Variants in DIAPH3 observed in about 807,000 individuals in gnomAD.
DIAPH3 encodes the protein protein diaphanous homolog 3.
DIAPH3 carries 117 observed loss-of-function variants against 144.3 expected under a neutral mutation model. The observed-to-expected ratio is 0.81, with a 90% CI of 0.70 to 0.95. DIAPH3 has a LOEUF of 0.95. Among genes scored for constraint, DIAPH3 ranks in the 40% least tolerant of loss-of-function variants. DIAPH3 has a pLI of 0.00. For synonymous variants in DIAPH3, 519 were observed against 488.9 expected, an observed-to-expected ratio of 1.06 and a Z score of -0.81; for missense variants, 1,421 against 1,412.7, an observed-to-expected ratio of 1.01 and a Z score of -0.09.
intron 27 of DIAPH3, among the ~76,000 whole-genome samples, chr13:59,737,606 T>A (rs1003287293): frequency 6.6e-6 from 1 of 152,168 alleles, no homozygotes; most frequent in African/African-American, 2.4e-5. Flanking sequence ...CCAACATACG[T>A]GGACTTATAA....
chr13:60,135,692 C>T (rs971960488), intron 1 of DIAPH3, among the ~76,000 whole-genome samples: 1 of 152,142 alleles, frequency 6.6e-6, no homozygotes, highest in Admixed American at 6.5e-5. Context: ...TTTCTTTCTA[C>T]ACCAAAACAA....
chr13:59,759,728 G>A (rs548008619), intron 27 of DIAPH3, among the ~76,000 whole-genome samples: 1 of 152,204 alleles, frequency 6.6e-6, no homozygotes, highest in South Asian at 2.1e-4. Context: ...GGTGGATCAT[G>A]AGGTCAGGAG....
At chr13:59,763,737 G>C (rs924447669) in intron 27 of DIAPH3, among the ~76,000 whole-genome samples, 1 of 151,988 alleles carries the variant, frequency 6.6e-6, no homozygotes, top group Non-Finnish European at 1.5e-5. Flanking sequence ...TGTTTTGCTT[G>C]AAATTTTTCT....
chr13:59,819,389 C>T (rs1273555942), intron 24 of DIAPH3, among the ~76,000 whole-genome samples: 5 of 151,822 alleles, frequency 3.3e-5, no homozygotes, highest in African/African-American at 4.8e-5. Flanking sequence ...AATTTTCTCA[C>T]AGGACAGCCA....
At chr13:59,739,422 G>A (rs1435283625) in intron 27 of DIAPH3, among the ~76,000 whole-genome samples, 2 of 152,030 alleles carry the variant, frequency 1.3e-5, no homozygotes, top group Non-Finnish European at 2.9e-5. Context: ...TGTTAATTGG[G>A]AATACTAATA....
intron 9 of DIAPH3, among the ~76,000 whole-genome samples, chr13:59,997,839 T>C (rs1273675747): frequency 6.6e-6 from 1 of 152,116 alleles, no homozygotes; most frequent in Non-Finnish European, 1.5e-5. Flanking sequence ...TTTTTACAAT[T>C]AAATCGTGGC....
At chr13:59,822,451 T>TA (rs2139645389) in intron 24 of DIAPH3, among the ~76,000 whole-genome samples, 2 of 152,090 alleles carry the variant, frequency 1.3e-5, no homozygotes, top group Admixed American at 1.3e-4. Context: ...TTTATTTATT[T>TA]TTTTTTGTGA....
At chr13:59,683,628 G>T (rs2033060724) in intron 27 of DIAPH3, among the ~76,000 whole-genome samples, 2 of 152,142 alleles carry the variant, frequency 1.3e-5, no homozygotes, top group African/African-American at 4.8e-5. Flanking sequence ...TATAAAGGGT[G>T]CATTGGGCAG....
chr13:59,959,135 C>G (rs1380464317), intron 17 of DIAPH3, among the ~76,000 whole-genome samples: 3 of 152,116 alleles, frequency 2.0e-5, no homozygotes, highest in Non-Finnish European at 4.4e-5. Context: ...CTCAGCCTCA[C>G]AAAGTGCGGA....
rs1463150390 is a variant in DIAPH3, at chr13:59,970,937, G to C, written c.1874C>G (p.Pro625Arg). 2 of 1,613,912 alleles carry C rather than the reference G, an allele frequency of 1.2e-6. No individual in the cohort carries two copies. Among genetic ancestry groups the C allele is most frequent in the Non-Finnish European group, 1.7e-6 (2 of 1,179,978 alleles). ...CCCAAATGGCAGGATTGGTAGAGGA[G>C]GAGAATTTTGTCCTCCAAGGAATCC... ...PLGFLGGQNS[P>R]PLPILPFGLK... Residue 625 changes from proline to arginine, a missense_variant, in exon 16 of 28, where the codon CCT (proline) becomes CGT (arginine). Coordinates refer to ENST00000400324, the MANE Select transcript of DIAPH3 (RefSeq NM_001042517.2).
chr13:59,762,052 C>CTTTTTTTTTTTTTTTTTTT (rs35387511), intron 27 of DIAPH3, among the ~76,000 whole-genome samples: 18 of 59,520 alleles, frequency 3.0e-4, no homozygotes, highest in South Asian at 9.6e-4. Flanking sequence ...GCGTCAGCAT[C>CTTTTTTTTTTTTTTTTTTT]TTTTTTTTTT....
intron 24 of DIAPH3, among the ~76,000 whole-genome samples, chr13:59,823,497 A>G (rs1305426431): frequency 2.6e-5 from 4 of 152,200 alleles, no homozygotes; most frequent in Non-Finnish European, 4.4e-5. Context: ...TTATGTGAAA[A>G]GACTCCAAAT....
At chr13:60,060,449 G>A (rs2056723393) in intron 4 of DIAPH3, among the ~76,000 whole-genome samples, 1 of 152,036 alleles carries the variant, frequency 6.6e-6, no homozygotes. Context: ...TCTCTTTTAT[G>A]ATTAACAGTT....
At chr13:59,946,643 G>A (rs977825370) in intron 17 of DIAPH3, among the ~76,000 whole-genome samples, 5 of 152,158 alleles carry the variant, frequency 3.3e-5, no homozygotes, top group Non-Finnish European at 7.4e-5. Context: ...CAAACATGTT[G>A]CTGATGAGTA....
chr13:59,829,493 C>T (rs756385935), intron 24 of DIAPH3, among the ~76,000 whole-genome samples: 4 of 151,850 alleles, frequency 2.6e-5, no homozygotes, highest in Non-Finnish European at 4.4e-5. Context: ...CCTGTTTCCT[C>T]ATCTGAAAAA....
chr13:59,873,009 A>T (rs1159829362), intron 21 of DIAPH3, among the ~76,000 whole-genome samples: 2 of 152,238 alleles, frequency 1.3e-5, no homozygotes, highest in East Asian at 3.8e-4. Context: ...AAAATAATTT[A>T]CCAAAAACGC....
chr13:59,971,991 G>C (rs1318653541), intron 15 of DIAPH3, among the ~76,000 whole-genome samples: 1 of 152,190 alleles, frequency 6.6e-6, no homozygotes, highest in Non-Finnish European at 1.5e-5. Flanking sequence ...TATCAAAAGT[G>C]AGAATTTATT....
intron 27 of DIAPH3, among the ~76,000 whole-genome samples, chr13:59,714,249 AC>A (rs1474398809): frequency 1.3e-5 from 2 of 149,002 alleles, no homozygotes; most frequent in African/African-American, 4.9e-5. Flanking sequence ...AGTCCCAGCT[AC>A]TTGGGAGGCT....
chr13:59,720,396 A>G (rs1052896382), intron 27 of DIAPH3, among the ~76,000 whole-genome samples: 1 of 152,202 alleles, frequency 6.6e-6, no homozygotes, highest in Admixed American at 6.5e-5. Flanking sequence ...CTATGCTCAA[A>G]ATATTAGAAA....
Sources: allele counts gnomAD v4.1 joint callset (sites outside exome capture counted in the v4.1 genomes callset), GRCh38; gene constraint gnomAD v4.1.1; transcripts MANE v1.5; gene names NCBI Gene and HGNC (gene_info 2026-07-23, HGNC 2026-07-21).